The following NBEA variants were observed in gnomAD, a reference collection of about 807,000 sequenced individuals.
NBEA encodes lysosomal-trafficking regulator 2.
NBEA carries 44 observed loss-of-function variants against 343.4 expected under a neutral mutation model. The ratio of observed to expected loss-of-function variants is 0.13; its 90% CI spans 0.10 to 0.16. The LOEUF is 0.16. Ranked by LOEUF, NBEA falls within the 10% of genes least tolerant of loss-of-function variation. The probability of loss-of-function intolerance (pLI) is 1.00; values close to 1 mark genes in which losing one functional copy is unlikely to be tolerated. For synonymous variants in NBEA, 1,175 were observed against 1,238.7 expected (o/e 0.95, Z 1.08); for missense variants, 2,555 against 3,631.3 (o/e 0.70, Z 7.62).
intron 33 of NBEA, among the ~76,000 whole-genome samples, chr13:35,220,956 A>G (rs1593805773): frequency 6.6e-6 from 1 of 152,050 alleles, no homozygotes; most frequent in Admixed American, 6.6e-5. Context: ...CCTATAGTCT[A>G]CTTTACTAAT....
At chr13:35,564,972 A>AAAAC (rs765660833) in intron 44 of NBEA, among the ~76,000 whole-genome samples, 1 of 152,248 alleles carries the variant, frequency 6.6e-6, no homozygotes, top group Non-Finnish European at 1.5e-5. Context: ...CACAGAGATT[A>AAAAC]AAACAAACAA....
intron 11 of NBEA, among the ~76,000 whole-genome samples, chr13:35,101,292 C>G (rs528360445): frequency 3.0e-4 from 46 of 152,004 alleles, no homozygotes; most frequent in African/African-American, 1.1e-3. Flanking sequence ...CAGCATTTTA[C>G]ATCCTACCAA....
chr13:35,357,681 T>A (rs533014879), intron 38 of NBEA, among the ~76,000 whole-genome samples: 1 of 152,214 alleles, frequency 6.6e-6, no homozygotes, highest in Non-Finnish European at 1.5e-5. Flanking sequence ...TACCATATTT[T>A]CTTTATAGAG....
Position 35,195,939 on chromosome 13 carries a change from G to A in NBEA, c.5003G>A (p.Ser1668Asn). 1.2e-6 allele frequency: 2 copies of A among 1,613,464 alleles called. No individual in the cohort carries two copies. The highest frequency in any genetic ancestry group is 1.7e-6 in the Non-Finnish European group (2 of 1,179,606). ...PTPGEDIQVE[S>N]SIPHTDSGIG... ...CCTGGTGAAGATATTCAGGTAGAAA[G>A]TTCAATTCCCCATACAGATTCAGGA... The change falls in exon 31 of 59, where the codon AGT becomes AAT. Residue 1668 changes from serine to asparagine, a missense_variant. Ser to Asn is a conservative substitution (Grantham distance 46). Coordinates refer to ENST00000379939, the MANE Select transcript of NBEA (RefSeq NM_001385012.1).
intron 31 of NBEA, among the ~76,000 whole-genome samples, chr13:35,203,324 C>A (rs999309764): frequency 9.9e-5 from 15 of 152,122 alleles, no homozygotes; most frequent in Non-Finnish European, 1.8e-4. Flanking sequence ...TTACCTCTGC[C>A]TGTGATGCTC....
intron 41 of NBEA, among the ~76,000 whole-genome samples, chr13:35,540,881 A>G (rs2078789665): frequency 2.0e-5 from 3 of 152,226 alleles, no homozygotes. Flanking sequence ...CTGGTTCTTT[A>G]CTAATGAATA....
At chr13:34,965,846 C>G (rs2059804118) in intron 1 of NBEA, among the ~76,000 whole-genome samples, 1 of 151,878 alleles carries the variant, frequency 6.6e-6, no homozygotes, top group African/African-American at 2.4e-5. Flanking sequence ...ACAGTTGTTT[C>G]CAAAACCAGA....
At chr13:35,375,872 A>G (rs2041712016) in intron 38 of NBEA, among the ~76,000 whole-genome samples, 1 of 152,170 alleles carries the variant, frequency 6.6e-6, no homozygotes, top group Admixed American at 6.6e-5. Context: ...CTGAATTAAT[A>G]TGACTGTTAT....
chr13:34,961,677 G>A (rs548175273), intron 1 of NBEA, among the ~76,000 whole-genome samples: 1 of 152,164 alleles, frequency 6.6e-6, no homozygotes, highest in South Asian at 2.1e-4. Context: ...GTTGTAGAGG[G>A]TGACAAATAT....
chr13:35,358,842 A>G (rs747960699), intron 38 of NBEA, among the ~76,000 whole-genome samples: 1 of 152,214 alleles, frequency 6.6e-6, no homozygotes, highest in Non-Finnish European at 1.5e-5. Context: ...GAGTGAGGAA[A>G]GACTTGTTTG....
At chr13:35,013,612 G>T (rs1181953335) in intron 1 of NBEA, among the ~76,000 whole-genome samples, 1 of 151,856 alleles carries the variant, frequency 6.6e-6, no homozygotes, top group African/African-American at 2.4e-5. Context: ...CTGGGTACAG[G>T]TGTGTGCCAC....
chr13:35,338,668 C>T (rs2039409361), intron 36 of NBEA, among the ~76,000 whole-genome samples: 1 of 151,996 alleles, frequency 6.6e-6, no homozygotes, highest in Admixed American at 6.6e-5. Flanking sequence ...TGAAAAGTAA[C>T]AAACCGGTAT....
At chr13:35,666,760 A>T (rs2085374919) in intron 56 of NBEA, among the ~76,000 whole-genome samples, 1 of 152,174 alleles carries the variant, frequency 6.6e-6, no homozygotes, top group African/African-American at 2.4e-5. Flanking sequence ...GGGCAAAAAA[A>T]CCCAGAAACC....
chr13:35,349,019 A>G (rs914743215), intron 36 of NBEA, 89 bp from the exon 37 acceptor site: 1 of 465,456 alleles, frequency 2.1e-6, no homozygotes, highest in Non-Finnish European at 3.8e-6. Flanking sequence ...ACTTATGTAT[A>G]TTTGAAGTAC....
chr13:35,603,399 C>T (rs911321671), intron 47 of NBEA, among the ~76,000 whole-genome samples: 1 of 152,106 alleles, frequency 6.6e-6, no homozygotes, highest in Non-Finnish European at 1.5e-5. Flanking sequence ...CAATTTTATT[C>T]ACATTAATAA....
In NBEA at chr13:35,536,887, T is replaced by C. The variant is rs182459964; in HGVS notation, c.6586-13590T>C. On this transcript the variant is annotated intron_variant, in intron 41 of 58. Coordinates refer to ENST00000379939, the MANE Select transcript of NBEA (RefSeq NM_001385012.1). ...AAGGAATGAGAGAGCATCTCTTCCA[T>C]TGGCTCCCTCACAGCATGTGGAAAC... 1.2e-4 allele frequency among the ~76,000 whole-genome samples: 18 copies of C among 152,360 alleles called. No homozygotes were observed. In the East Asian group the frequency reaches 2.5e-3, roughly 21 times the overall value.
At chr13:35,167,057 T>C (rs1021832270) in intron 24 of NBEA, among the ~76,000 whole-genome samples, 5 of 152,046 alleles carry the variant, frequency 3.3e-5, no homozygotes, top group African/African-American at 1.2e-4. Flanking sequence ...ATATAGTTTT[T>C]CAGAATATTC....
At position 35,658,530 on chromosome 13, in the gene NBEA, C is replaced by A. The variant is rs754473219; in HGVS notation, c.8362+2781C>A. On this transcript the variant is annotated intron_variant, in intron 55 of 58. Transcript: ENST00000379939. ...AGCTGGGAATGCTGCAAAGTCACAA[C>A]CTCTGACTTTCTAGAGTTTACAAGA... Among the ~76,000 whole-genome samples the A allele has an allele frequency of 3.9e-5, 6 of 152,244 alleles. No homozygotes were observed. In the South Asian group the frequency reaches 6.2e-4, roughly 16 times the overall value.
Position 35,007,167 on chromosome 13 carries a change from A to G in NBEA, c.295-33766A>G, listed in dbSNP as rs117832170. ...TTAATTTATTTAACTGGCCTTGAAA[A>G]TTTGTTTGTAATTCTGTGTTCAAAC... On this transcript the variant is annotated intron_variant, in intron 1 of 58. Coordinates refer to ENST00000379939, the MANE Select transcript of NBEA (RefSeq NM_001385012.1). Among the ~76,000 whole-genome samples, 782 of 152,188 alleles carry G rather than the reference A, an allele frequency of 5.1e-3. 20 individuals carry two copies. The highest frequency in any genetic ancestry group is 0.041 in the Admixed American group (633 of 15,268).
Sources: allele counts gnomAD v4.1 joint callset (sites outside exome capture counted in the v4.1 genomes callset), GRCh38; gene constraint gnomAD v4.1.1; transcripts MANE v1.5; gene names NCBI Gene and HGNC (gene_info 2026-07-23, HGNC 2026-07-21).